Variants in NCKAP5 observed in about 807,000 individuals in gnomAD.
The protein encoded by NCKAP5 is nck-associated protein 5.
Under a neutral mutation model 167.0 loss-of-function variants are expected in NCKAP5, and 92 were observed. The observed-to-expected ratio is 0.55, with a 90% CI of 0.47 to 0.66. The LOEUF is 0.66. Among genes scored for constraint, NCKAP5 ranks in the 30% least tolerant of loss-of-function variants. NCKAP5 has a pLI of 0.00. For missense variants in NCKAP5, 2,378 were observed against 2,315.0 expected (o/e 1.03, Z -0.56); for synonymous variants, 891 against 877.4 (o/e 1.02, Z -0.27).
At chr2:133,227,458 A>G (rs1484332412) in intron 4 of NCKAP5, among the ~76,000 whole-genome samples, 1 of 152,154 alleles carries the variant, frequency 6.6e-6, no homozygotes, top group Non-Finnish European at 1.5e-5. Flanking sequence ...CTGCCCCATT[A>G]TTGGAGCATA....
At chr2:132,949,867 A>G (rs281582) in intron 8 of NCKAP5, among the ~76,000 whole-genome samples, 125,127 of 152,214 alleles carry the variant, frequency 0.82, 51,648 homozygotes, top group East Asian at 0.96. Context: ...GCCATGGCGG[A>G]CAGATCACTT....
At chr2:133,364,152 A>C (rs1468710667) in intron 3 of NCKAP5, among the ~76,000 whole-genome samples, 1 of 152,174 alleles carries the variant, frequency 6.6e-6, no homozygotes, top group Non-Finnish European at 1.5e-5. Flanking sequence ...GAAAACTAAC[A>C]GACTTCCCAA....
At chr2:133,330,248 T>TA in intron 3 of NCKAP5, among the ~76,000 whole-genome samples, 1 of 136,858 alleles carries the variant, frequency 7.3e-6, no homozygotes, top group East Asian at 2.1e-4. Context: ...TTTTGTATTT[T>TA]TTTTTTTTTT....
intron 8 of NCKAP5, among the ~76,000 whole-genome samples, chr2:132,942,173 C>A (rs926288256): frequency 2.6e-5 from 4 of 152,244 alleles, no homozygotes; most frequent in African/African-American, 9.6e-5. Flanking sequence ...TCTTAACTTG[C>A]CATCTATATC....
rs6761452 is a variant in NCKAP5 at position 133,519,940 on chromosome 2, C to T, written c.-61-2353G>A. On this transcript the variant is annotated intron_variant, in intron 2 of 19. Transcript: ENST00000409261. ...CGGTGGCTCACACCTGTCATCCCAG[C>T]ACTTTGGGAGACTGAGGCAGGCGGA... Among the ~76,000 whole-genome samples the T allele has an allele frequency of 1.6e-3, 247 of 152,220 alleles. 1 individual carries two copies. The highest frequency in any genetic ancestry group is 5.6e-3 in the African/African-American group (233 of 41,534).
chr2:133,061,062 T>C (rs542532483), intron 6 of NCKAP5, among the ~76,000 whole-genome samples: 5 of 134,090 alleles, frequency 3.7e-5, no homozygotes, highest in African/African-American at 1.0e-4. Flanking sequence ...AATCCCAAAA[T>C]ATTAAAAAAA....
chr2:132,851,948 G>T (rs531312212), intron 11 of NCKAP5, among the ~76,000 whole-genome samples: 1 of 151,986 alleles, frequency 6.6e-6, no homozygotes, highest in African/African-American at 2.4e-5. Context: ...TTTTCGTGCC[G>T]GGAATAAGAT....
intron 6 of NCKAP5, among the ~76,000 whole-genome samples, chr2:133,099,649 G>C (rs1559137874): frequency 6.6e-6 from 1 of 152,088 alleles, no homozygotes; most frequent in Non-Finnish European, 1.5e-5. Flanking sequence ...TGATCAGATA[G>C]ATAGTACTAT....
intron 19 of NCKAP5, among the ~76,000 whole-genome samples, chr2:132,711,270 T>C (rs1688818263): frequency 6.6e-6 from 1 of 152,174 alleles, no homozygotes; most frequent in African/African-American, 2.4e-5. Context: ...AATGTCTGGG[T>C]TGATTGCCTT....
chr2:133,490,955 G>A (rs986316807), intron 3 of NCKAP5, among the ~76,000 whole-genome samples: 1 of 152,200 alleles, frequency 6.6e-6, no homozygotes, highest in Non-Finnish European at 1.5e-5. Flanking sequence ...TCTAAAGTAG[G>A]TAAGCCTGCT....
chr2:133,609,098 T>C, the NCKAP5 span, among the ~76,000 whole-genome samples: 1 of 152,230 alleles, frequency 6.6e-6, no homozygotes, highest in African/African-American at 2.4e-5. Flanking sequence ...GCAATTATTA[T>C]AAAGTGCTAT....
chr2:133,079,555 T>C lies in NCKAP5; in HGVS notation c.341+50423A>G, dbSNP rs60851656. Reference sequence around the variant, plus strand: ...TTTTCATGGGAGCCATCTTTTATTGTCAGTAATTTTGCATAATTAAAAATA... The same window carrying C: ...TTTTCATGGGAGCCATCTTTTATTGCCAGTAATTTTGCATAATTAAAAATA... On this transcript the variant is annotated intron_variant, in intron 6 of 19. Coordinates refer to ENST00000409261, the MANE Select transcript of NCKAP5 (RefSeq NM_207363.3). 3.3e-3 allele frequency among the ~76,000 whole-genome samples: 495 copies of C among 152,282 alleles called. 2 individuals carry two copies. The highest frequency in any genetic ancestry group is 0.011 in the African/African-American group (468 of 41,572).
intron 13 of NCKAP5, among the ~76,000 whole-genome samples, chr2:132,786,581 G>C (rs1380291497): frequency 6.6e-6 from 1 of 151,992 alleles, no homozygotes; most frequent in Non-Finnish European, 1.5e-5. Flanking sequence ...AAAGTGTATG[G>C]GAAATGACAT....
the NCKAP5 span, among the ~76,000 whole-genome samples, chr2:133,613,591 T>C: frequency 6.6e-6 from 1 of 152,194 alleles, no homozygotes; most frequent in African/African-American, 2.4e-5. Flanking sequence ...AGCAAGTCCT[T>C]TGGCTGGGAT....
At chr2:132,844,622 G>A (rs1469280203) in intron 11 of NCKAP5, among the ~76,000 whole-genome samples, 1 of 152,110 alleles carries the variant, frequency 6.6e-6, no homozygotes, top group African/African-American at 2.4e-5. Context: ...ATGAAATATG[G>A]TTTAACTTGA....
chr2:133,379,960 T>G (rs1686404838), intron 3 of NCKAP5, among the ~76,000 whole-genome samples: 1 of 152,186 alleles, frequency 6.6e-6, no homozygotes. Context: ...GGAAAGATGT[T>G]CATACTATTA....
intron 7 of NCKAP5, among the ~76,000 whole-genome samples, chr2:132,983,292 C>G (rs940233535): frequency 6.6e-6 from 1 of 152,062 alleles, no homozygotes; most frequent in African/African-American, 2.4e-5. Flanking sequence ...GTTTGGATAC[C>G]TTTTATTTCT....
At chr2:132,762,227 G>C (rs1407630934) in intron 16 of NCKAP5, among the ~76,000 whole-genome samples, 1 of 149,724 alleles carries the variant, frequency 6.7e-6, no homozygotes, top group African/African-American at 2.4e-5. Context: ...CCAGCATATA[G>C]AGAGCTCTTA....
intron 5 of NCKAP5, among the ~76,000 whole-genome samples, chr2:133,212,228 G>C (rs1281379021): frequency 1.3e-5 from 2 of 152,146 alleles, no homozygotes; most frequent in African/African-American, 4.8e-5. Context: ...TTAAACAAAA[G>C]ACTGAAACAT....
Sources: allele counts gnomAD v4.1 joint callset (sites outside exome capture counted in the v4.1 genomes callset), GRCh38; gene constraint gnomAD v4.1.1; transcripts MANE v1.5; gene names NCBI Gene and HGNC (gene_info 2026-07-23, HGNC 2026-07-21).